The following TNS3 variants were observed in gnomAD, a reference collection of about 807,000 sequenced individuals.
TNS3 encodes the protein tensin 3, also known as tensin-3.
A neutral mutation model predicts 140.9 loss-of-function variants in TNS3; 45 were observed. That is an observed-to-expected ratio of 0.32 (90% confidence interval 0.25 to 0.41). The LOEUF (loss-of-function observed/expected upper bound fraction) is 0.41. Ranked by LOEUF, TNS3 falls within the 10% of genes least tolerant of loss-of-function variation. The probability of loss-of-function intolerance (pLI) is 1.00; values close to 1 mark genes in which losing one functional copy is unlikely to be tolerated. For synonymous variants in TNS3, 815 were observed against 788.4 expected (o/e 1.03, Z -0.56); for missense variants, 1,716 against 1,906.7 (o/e 0.90, Z 1.86).
intron 2 of TNS3, among the ~76,000 whole-genome samples, chr7:47,519,616 G>T (rs1300918794): frequency 2.6e-5 from 4 of 152,104 alleles, no homozygotes; most frequent in Non-Finnish European, 5.9e-5. Context: ...GGTGGCAGAT[G>T]TCCACCTGTG....
At position 47,369,617 on chromosome 7, in the gene TNS3, T is replaced by C. The variant is rs1464910836; in HGVS notation, c.1029A>G (p.Leu343=). The change falls in exon 17 of 31, where the codon CTA becomes CTG. Residue 343 remains leucine, a synonymous_variant. Coordinates refer to ENST00000311160, the MANE Select transcript of TNS3 (RefSeq NM_022748.12). ...TGCCATCGACAGGGCCCTGCGTGTG[T>C]AGCACTGCGGGGGAGAAAACCGGAG... ...YENLSADGEV[L]HTQGPVDGSL... is the part of the protein sequence containing the mutation. 1.9e-6 allele frequency: 3 copies of C among 1,566,106 alleles called. No homozygotes were observed. The highest frequency in any genetic ancestry group is 1.4e-5 in the African/African-American group (1 of 73,628).
At position 47,292,894 on chromosome 7, in the gene TNS3, C is replaced by A; in HGVS notation, c.3784G>T (p.Ala1262Ser). The A allele has an allele frequency of 6.2e-7, 1 of 1,614,064 alleles. No homozygotes were observed. The highest frequency in any genetic ancestry group is 8.5e-7 in the Non-Finnish European group (1 of 1,179,986). The change falls in exon 26 of 31, where the codon GCC (alanine) becomes TCC (serine). Residue 1262 changes from alanine (A) to serine (S), a missense_variant. Transcript: ENST00000311160. ...SNEPYFGSLTALVCQHSITPL... is the reference protein window; with the variant it reads ...SNEPYFGSLTSLVCQHSITPL... ...GTGATGGAATGCTGGCACACCAAGG[C>A]CGTCAGGCTCCCTGCAAAGTGGACA...
chr7:47,277,669 G>GAA lies in TNS3; in HGVS notation c.*405_*406dup. ...GACAGAAGCGCCCATGCGGACGGGC[G>GAA]AAGCATGGCAGTCACTCGGCACCTC... On this transcript the variant is annotated 3_prime_UTR_variant, in exon 31 of 31. Transcript: ENST00000311160. 3.6e-6 allele frequency: 1 copy of GAA among 279,458 alleles called. No individual in the cohort carries two copies. Among genetic ancestry groups the GAA allele is most frequent in the African/African-American group, 2.2e-5 (1 of 44,864 alleles). 17.3% of individuals were successfully genotyped at this position (279,458 alleles called of 1,614,324 possible).
intron 1 of TNS3, among the ~76,000 whole-genome samples, chr7:47,562,664 C>T (rs1800341144): frequency 6.6e-6 from 1 of 152,156 alleles, no homozygotes; most frequent in Non-Finnish European, 1.5e-5. Context: ...GGATTACAGG[C>T]ATGAGCCACC....
chr7:47,534,659 AAG>A (rs1799537651), intron 1 of TNS3, among the ~76,000 whole-genome samples: 1 of 152,230 alleles, frequency 6.6e-6, no homozygotes, highest in Non-Finnish European at 1.5e-5. Context: ...ACTATACTGT[AAG>A]TATCTATATA....
At chr7:47,379,224 T>C (rs1791601130) in intron 16 of TNS3, among the ~76,000 whole-genome samples, 1 of 152,162 alleles carries the variant, frequency 6.6e-6, no homozygotes, top group African/African-American at 2.4e-5. Flanking sequence ...CGAAAGACCT[T>C]CCCAGTCAGG....
At chr7:47,384,602 C>T (rs1244792035) in intron 16 of TNS3, among the ~76,000 whole-genome samples, 1 of 152,250 alleles carries the variant, frequency 6.6e-6, no homozygotes, top group Non-Finnish European at 1.5e-5. Flanking sequence ...CCCTCAACTT[C>T]CACCAAACTT....
intron 1 of TNS3, among the ~76,000 whole-genome samples, chr7:47,567,879 C>T (rs1264331396): frequency 2.0e-5 from 3 of 152,144 alleles, no homozygotes; most frequent in African/African-American, 2.4e-5. Flanking sequence ...GTACATCCCT[C>T]GTAGGTAACA....
At chr7:47,324,022 G>T (rs768152074) in intron 20 of TNS3, among the ~76,000 whole-genome samples, 2 of 152,210 alleles carry the variant, frequency 1.3e-5, no homozygotes, top group Non-Finnish European at 2.9e-5. Context: ...ATGTTGGCAT[G>T]TGTTATAAAA....
chr7:47,522,323 G>T (rs1002206930), intron 2 of TNS3, among the ~76,000 whole-genome samples: 1 of 152,132 alleles, frequency 6.6e-6, no homozygotes, highest in Admixed American at 6.5e-5. Context: ...CCTCTGAGCC[G>T]CAAGCCTCTG....
At position 47,369,374 on chromosome 7, in the gene TNS3, C is replaced by T. The variant is rs748244918; in HGVS notation, c.1272G>A (p.Glu424=). The T allele has an allele frequency of 6.2e-7, 1 of 1,614,212 alleles. No homozygotes were observed. The highest frequency in any genetic ancestry group is 8.5e-7 in the Non-Finnish European group (1 of 1,180,038). Residue 424 remains glutamate (E), a synonymous_variant, in exon 17 of 31, where the codon GAG becomes GAA. Transcript: ENST00000311160. ...CAAAGCCACTGAGCAGCTGGTCCAA[C>T]TCTGCCTTCTCCTGGGCACTCAGGC... ...RRGLSAQEKA[E]LDQLLSGFGL...
chr7:47,390,535 G>C (rs10251205), intron 16 of TNS3, among the ~76,000 whole-genome samples: 136,705 of 152,172 alleles, frequency 0.9, 62,680 homozygotes, highest in Non-Finnish European at 0.99. Context: ...GCCCCAAAGC[G>C]TGGATTCTGG....
chr7:47,475,658 C>T (rs1380650676), intron 4 of TNS3, among the ~76,000 whole-genome samples: 1 of 152,206 alleles, frequency 6.6e-6, no homozygotes, highest in Non-Finnish European at 1.5e-5. Flanking sequence ...CACCTGAGGG[C>T]ATCAAGATTT....
At chr7:47,541,530 C>T (rs1439670997) in intron 1 of TNS3, among the ~76,000 whole-genome samples, 2 of 152,050 alleles carry the variant, frequency 1.3e-5, no homozygotes, top group African/African-American at 2.4e-5. Flanking sequence ...ACACAGGGGC[C>T]AGCCTGAAGA....
chr7:47,488,194 C>T (rs1173920701), intron 3 of TNS3, among the ~76,000 whole-genome samples: 1 of 152,198 alleles, frequency 6.6e-6, no homozygotes, highest in Non-Finnish European at 1.5e-5. Context: ...ATGCATTGTT[C>T]ATGTGTTTAT....
At chr7:47,532,081 T>C (rs985820263) in intron 1 of TNS3, among the ~76,000 whole-genome samples, 18 of 149,192 alleles carry the variant, frequency 1.2e-4, no homozygotes, top group Non-Finnish European at 1.9e-4. Context: ...CCGCCCACCA[T>C]CCCTGCTGGC....
At chr7:47,499,151 G>A (rs1455042645) in intron 3 of TNS3, among the ~76,000 whole-genome samples, 1 of 152,228 alleles carries the variant, frequency 6.6e-6, no homozygotes, top group Non-Finnish European at 1.5e-5. Context: ...AGTGAGCCTA[G>A]AGCCCACATG....
At chr7:47,344,708 C>G in intron 20 of TNS3, 47 bp downstream of exon 20, 1 of 1,556,566 alleles carries the variant, frequency 6.4e-7, no homozygotes, top group South Asian at 1.1e-5. Context: ...CCCCGCGATG[C>G]AGCGCCTGAG....
chr7:47,570,162 A>C (rs1370599320), intron 1 of TNS3, among the ~76,000 whole-genome samples: 1 of 152,284 alleles, frequency 6.6e-6, no homozygotes, highest in Admixed American at 6.5e-5. Context: ...ATAAAAAGAA[A>C]AAATAAATAA....
Sources: gnomAD v4.1 joint callset for allele counts (sites outside exome capture counted in the v4.1 genomes callset) on GRCh38, gnomAD v4.1.1 for gene constraint, MANE v1.5 for transcripts, NCBI Gene and HGNC (gene_info 2026-07-23, HGNC 2026-07-21) for gene names.